Variants in KCNN2 observed in about 807,000 individuals in gnomAD.
KCNN2 encodes the protein potassium calcium-activated channel subfamily N member 2, also known as small conductance calcium-activated potassium channel protein 2.
In KCNN2, 24 loss-of-function variants were observed where a neutral mutation model predicts 55.5. The ratio of observed to expected loss-of-function variants is 0.43; its 90% CI spans 0.31 to 0.61. KCNN2 has a LOEUF of 0.61. Among genes scored for constraint, KCNN2 ranks in the 20% least tolerant of loss-of-function variants. The pLI is 0.08. For missense variants in KCNN2, 754 were observed against 853.6 expected (o/e 0.88, Z 1.45); for synonymous variants, 431 against 336.1 (o/e 1.28, Z -3.09).
At chr5:114,249,757 A>G (rs1754822052) in intron 2 of KCNN2, among the ~76,000 whole-genome samples, 1 of 152,042 alleles carries the variant, frequency 6.6e-6, no homozygotes, top group South Asian at 2.1e-4. Context: ...AAAAAAAAAA[A>G]AAAAAGAATG....
intron 1 of KCNN2, among the ~76,000 whole-genome samples, chr5:114,197,444 T>C (rs1241264427): frequency 3.3e-5 from 5 of 152,204 alleles, no homozygotes; most frequent in African/African-American, 1.2e-4. Context: ...CAATGATCAT[T>C]GTTGAATTGC....
At chr5:114,233,141 C>G (rs1375009782) in intron 2 of KCNN2, among the ~76,000 whole-genome samples, 1 of 149,924 alleles carries the variant, frequency 6.7e-6, no homozygotes, top group Non-Finnish European at 1.5e-5. Flanking sequence ...GGGATGGTCT[C>G]GATCTCCTGA....
intron 3 of KCNN2, among the ~76,000 whole-genome samples, chr5:114,436,551 T>C (rs1760010772): frequency 6.6e-6 from 1 of 152,248 alleles, no homozygotes; most frequent in South Asian, 2.1e-4. Context: ...TTGCTATTTA[T>C]TATGAAATTC....
chr5:114,430,932 T>A (rs2150086738), intron 3 of KCNN2, among the ~76,000 whole-genome samples: 1 of 152,280 alleles, frequency 6.6e-6, no homozygotes, highest in Non-Finnish European at 1.5e-5. Context: ...CCTTGTATGC[T>A]CAGAATAAAT....
chr5:114,079,979 G>A (rs1255689190), intron 1 of KCNN2, among the ~76,000 whole-genome samples: 1 of 151,968 alleles, frequency 6.6e-6, no homozygotes, highest in Non-Finnish European at 1.5e-5. Context: ...TTCACTTTCA[G>A]CTGGCTTCCC....
chr5:114,494,734 G>A (rs1188459570), intron 7 of KCNN2, among the ~76,000 whole-genome samples: 1 of 152,028 alleles, frequency 6.6e-6, no homozygotes, highest in Non-Finnish European at 1.5e-5. Flanking sequence ...TACCATAAAG[G>A]CTCAGTATTT....
At chr5:114,109,578 G>C (rs965070959) in intron 1 of KCNN2, among the ~76,000 whole-genome samples, 2 of 152,042 alleles carry the variant, frequency 1.3e-5, no homozygotes, top group Non-Finnish European at 2.9e-5. Context: ...ACACCTTGGA[G>C]AGTAATGACA....
rs149345864 is a variant in KCNN2, at chr5:114,216,770, T to C, written c.-270-4710T>C. On this transcript the variant is annotated intron_variant, in intron 1 of 10. Transcript: ENST00000512097. The stretch of plus-strand genomic sequence containing the variant: ...TTGTTGCACTGGATGTTCTAGCTAA[T>C]GCAATAAGACAAGAAAGGCAGTAAA... 1.4e-3 allele frequency among the ~76,000 whole-genome samples: 209 copies of C among 152,174 alleles called. 2 individuals are homozygous for C. The highest frequency in any genetic ancestry group is 2.5e-3 in the Non-Finnish European group (168 of 67,966).
At chr5:114,129,993 T>C (rs930649704) in intron 1 of KCNN2, among the ~76,000 whole-genome samples, 1 of 152,180 alleles carries the variant, frequency 6.6e-6, no homozygotes, top group East Asian at 1.9e-4. Context: ...TCTAACCTCA[T>C]TCATTCTGGC....
At chr5:114,223,301 C>T (rs565837619) in intron 2 of KCNN2, among the ~76,000 whole-genome samples, 5 of 152,114 alleles carry the variant, frequency 3.3e-5, no homozygotes, top group Non-Finnish European at 4.4e-5. Context: ...TCTGATTCTT[C>T]GCAGCTTCAG....
chr5:114,171,929 C>T (rs1355845091), intron 1 of KCNN2, among the ~76,000 whole-genome samples: 1 of 151,762 alleles, frequency 6.6e-6, no homozygotes, highest in Admixed American at 6.6e-5. Flanking sequence ...GTATAATTAT[C>T]CCAGTTTTCA....
At chr5:114,156,200 G>T (rs1752631389) in intron 1 of KCNN2, among the ~76,000 whole-genome samples, 1 of 151,984 alleles carries the variant, frequency 6.6e-6, no homozygotes, top group Non-Finnish European at 1.5e-5. Flanking sequence ...GTAGGTATAT[G>T]GTCTTATTTC....
chr5:114,085,111 A>T (rs1750987243), intron 1 of KCNN2, among the ~76,000 whole-genome samples: 1 of 151,614 alleles, frequency 6.6e-6, no homozygotes, highest in Non-Finnish European at 1.5e-5. Context: ...TGTCTTGATT[A>T]CTGTAGCTTT....
At chr5:114,201,140 G>A (rs1210920591) in intron 1 of KCNN2, among the ~76,000 whole-genome samples, 1 of 152,020 alleles carries the variant, frequency 6.6e-6, no homozygotes, top group African/African-American at 2.4e-5. Flanking sequence ...CAAGCAGTCT[G>A]GGTTGGTGGT....
intron 3 of KCNN2, among the ~76,000 whole-genome samples, chr5:114,413,031 A>G (rs924658926): frequency 2.0e-5 from 3 of 152,196 alleles, no homozygotes; most frequent in Admixed American, 6.5e-5. Context: ...TGATTCATAC[A>G]TACAGATATA....
chr5:114,311,149 G>GTA (rs34210515), intron 2 of KCNN2, among the ~76,000 whole-genome samples: 3 of 151,942 alleles, frequency 2.0e-5, no homozygotes, highest in African/African-American at 4.8e-5. Flanking sequence ...CATCAAGCAT[G>GTA]TATATATATA....
At chr5:114,267,732 A>G (rs1243980698) in intron 2 of KCNN2, among the ~76,000 whole-genome samples, 2 of 152,168 alleles carry the variant, frequency 1.3e-5, no homozygotes, top group Non-Finnish European at 2.9e-5. Context: ...CTGAATGGTG[A>G]TTAAAGGGTT....
At chr5:114,466,952 C>A (rs1039886993) in intron 4 of KCNN2, among the ~76,000 whole-genome samples, 31 of 152,174 alleles carry the variant, frequency 2.0e-4, no homozygotes, top group African/African-American at 7.2e-4. Flanking sequence ...AAAATCACTA[C>A]GCTAATTAAA....
intron 2 of KCNN2, among the ~76,000 whole-genome samples, chr5:114,261,279 G>A (rs1242214263): frequency 6.6e-6 from 1 of 152,132 alleles, no homozygotes; most frequent in Non-Finnish European, 1.5e-5. Context: ...GTCCTTTCAT[G>A]ATGAGTGCAA....
Sources: allele counts gnomAD v4.1 joint callset (sites outside exome capture counted in the v4.1 genomes callset), GRCh38; gene constraint gnomAD v4.1.1; transcripts MANE v1.5; gene names NCBI Gene and HGNC (gene_info 2026-07-23, HGNC 2026-07-21).